The following PSMA3 variants were observed in gnomAD, a reference collection of about 807,000 sequenced individuals.
PSMA3 encodes proteasome subunit alpha type-3.
In PSMA3, 8 loss-of-function variants were observed where a neutral mutation model predicts 40.0. The ratio of observed to expected loss-of-function variants is 0.20; its 90% CI spans 0.12 to 0.36. The LOEUF (loss-of-function observed/expected upper bound fraction) is 0.36, where lower values mean the gene tolerates loss of function less well. PSMA3 is among the 10% of genes least tolerant of loss of function. The pLI, the probability that PSMA3 is intolerant of heterozygous loss-of-function variation, is 1.00. For missense variants in PSMA3, 219 were observed against 310.6 expected, an observed-to-expected ratio of 0.70 and a Z score of 2.22; for synonymous variants, 110 against 100.0, an observed-to-expected ratio of 1.10 and a Z score of -0.59.
Position 58,244,926 on chromosome 14 carries a change from C to T in PSMA3, c.6C>T (p.Ser2=), listed in dbSNP as rs780296905. The change falls in exon 1 of 11, where the codon AGC becomes AGT. Residue 2 remains serine, a synonymous_variant. Transcript: ENST00000216455. ...GTCCCTTTGGGTTTAGCACGATGAGCTCAATCGGCACTGGGGTGAGTTCGC... is the reference window on the plus strand; with the variant it reads ...GTCCCTTTGGGTTTAGCACGATGAGTTCAATCGGCACTGGGGTGAGTTCGC... M[S]SIGTGYDLSA... 3.1e-6 allele frequency: 5 copies of T among 1,614,048 alleles called. No individual in the cohort carries two copies. Among genetic ancestry groups the T allele is most frequent in the Admixed American group, 3.3e-5 (2 of 59,984 alleles).
At chr14:58,267,619 A>G (rs1311528615) in intron 8 of PSMA3, 99 bp downstream of exon 8, 1 of 1,314,910 alleles carries the variant, frequency 7.6e-7, no homozygotes, top group African/African-American at 1.5e-5. Context: ...CTGTAAAATA[A>G]CTTAGTGTAT....
At chr14:58,251,134 T>G (rs1368271216) in intron 2 of PSMA3, among the ~76,000 whole-genome samples, 1 of 152,290 alleles carries the variant, frequency 6.6e-6, no homozygotes, top group East Asian at 1.9e-4. Flanking sequence ...TTGAGATAAT[T>G]TTACCAGAAA....
chr14:58,244,929 A>G lies in PSMA3; in HGVS notation c.9A>G (p.Ser3=), dbSNP rs1179314150. The G allele has an allele frequency of 1.2e-6, 2 of 1,614,168 alleles. No homozygotes were observed. Among genetic ancestry groups the G allele is most frequent in the Non-Finnish European group, 1.7e-6 (2 of 1,180,004 alleles). Residue 3 remains serine, a synonymous_variant, in exon 1 of 11, where the codon TCA becomes TCG. Transcript: ENST00000216455. ...CCTTTGGGTTTAGCACGATGAGCTC[A>G]ATCGGCACTGGGGTGAGTTCGCTGT... is the stretch of plus-strand genomic sequence containing the variant. MS[S]IGTGYDLSAS... is the part of the protein sequence containing the mutation.
At chr14:58,263,183 C>G (rs775722561) in intron 6 of PSMA3, among the ~76,000 whole-genome samples, 1 of 151,956 alleles carries the variant, frequency 6.6e-6, no homozygotes, top group Admixed American at 6.6e-5. Context: ...CAGGGTTTTA[C>G]AATGTTGGCC....
At chr14:58,249,515 C>T (rs1889955259) in intron 2 of PSMA3, among the ~76,000 whole-genome samples, 1 of 151,532 alleles carries the variant, frequency 6.6e-6, no homozygotes, top group African/African-American at 2.4e-5. Context: ...TTAAAAAAAA[C>T]TTTTTTTGGG....
At chr14:58,269,092 A>C (rs1377938485) in intron 8 of PSMA3, among the ~76,000 whole-genome samples, 1 of 151,796 alleles carries the variant, frequency 6.6e-6, no homozygotes, top group Non-Finnish European at 1.5e-5. Flanking sequence ...CCACCACCAC[A>C]CCTGGCTAAT....
At position 58,267,466 on chromosome 14, in the gene PSMA3, T is replaced by C. The variant is rs1175888888; in HGVS notation, c.544-8T>C. ...TCTGATGAACAGTATACATTTTATT[T>C]TCTATAGATGAAAGAAATGACCTGC... On this transcript the variant is annotated splice_region_variant and splice_polypyrimidine_tract_variant and intron_variant, in intron 7 of 10. Transcript: ENST00000216455. 1 of 1,551,134 alleles carries C rather than the reference T, an allele frequency of 6.4e-7. No individual in the cohort carries two copies. The highest frequency in any genetic ancestry group is 1.3e-5 in the South Asian group (1 of 78,192).
chr14:58,257,631 T>G, intron 3 of PSMA3, 114 bp from the exon 4 acceptor site: 2 of 905,616 alleles, frequency 2.2e-6, no homozygotes, highest in East Asian at 5.3e-5. Context: ...GCCAAAAAAG[T>G]TTATTTTGAA....
chr14:58,252,080 T>C, intron 2 of PSMA3, 39 bp from the exon 3 acceptor site: 1 of 1,558,172 alleles, frequency 6.4e-7, no homozygotes, highest in Non-Finnish European at 8.6e-7. Context: ...GTTTCTTTTA[T>C]TTTCAGTTAA....
intron 3 of PSMA3, 72 bp downstream of exon 3, chr14:58,252,314 A>G: frequency 2.0e-6 from 3 of 1,523,992 alleles, no homozygotes; most frequent in Non-Finnish European, 2.6e-6. Context: ...GGAATAGATC[A>G]CTGTGCAGTC....
chr14:58,260,711 T>G (rs1438085561), intron 5 of PSMA3, among the ~76,000 whole-genome samples: 1 of 152,176 alleles, frequency 6.6e-6, no homozygotes, highest in Admixed American at 6.5e-5. Context: ...TGCTAGACTT[T>G]CCAGGAGACC....
intron 2 of PSMA3, among the ~76,000 whole-genome samples, chr14:58,248,068 C>T (rs1236725702): frequency 2.0e-5 from 3 of 151,978 alleles, no homozygotes; most frequent in African/African-American, 7.3e-5. Flanking sequence ...AAATCACATT[C>T]ATTATCATCT....
Position 58,270,479 on chromosome 14 carries a change from G to C in PSMA3, c.652G>C (p.Gly218Arg). 1 of 1,613,608 alleles carries C rather than the reference G, an allele frequency of 6.2e-7. No homozygotes were observed. The highest frequency in any genetic ancestry group is 1.1e-5 in the South Asian group (1 of 91,072). ...TTTTGAACTAGAACTCAGCTGGGTTGGTGAATGTAAGTTATTTTTGTACAT... is the reference window on the plus strand; with the variant it reads ...TTTTGAACTAGAACTCAGCTGGGTTCGTGAATGTAAGTTATTTTTGTACAT... ...KAFELELSWV[G>R]ELTNGRHEIV... Residue 218 changes from glycine to arginine, a missense_variant, in exon 9 of 11, where the codon GGT becomes CGT. Physicochemically the swap from Gly to Arg is moderately radical, Grantham distance 125. Transcript: ENST00000216455.
intron 5 of PSMA3, among the ~76,000 whole-genome samples, chr14:58,260,376 CTG>C (rs1176819898): frequency 2.6e-5 from 4 of 152,196 alleles, no homozygotes; most frequent in Non-Finnish European, 5.9e-5. Context: ...AGTTTTCTAT[CTG>C]TGGTTTGTTG....
intron 6 of PSMA3, 118 bp downstream of exon 6, chr14:58,261,138 TTTC>T (rs1215784737): frequency 6.7e-6 from 5 of 742,470 alleles, no homozygotes; most frequent in Non-Finnish European, 1.0e-5. Context: ...GAAAGTAATT[TTTC>T]TTTTTTTTTT....
At chr14:58,255,399 T>G (rs1048085737) in intron 3 of PSMA3, among the ~76,000 whole-genome samples, 3 of 152,134 alleles carry the variant, frequency 2.0e-5, no homozygotes, top group Non-Finnish European at 4.4e-5. Context: ...AAAGATGTGG[T>G]GGCATTGAAA....
intron 3 of PSMA3, among the ~76,000 whole-genome samples, chr14:58,256,353 A>G (rs1177304058): frequency 1.3e-5 from 2 of 151,470 alleles, no homozygotes; most frequent in Non-Finnish European, 2.9e-5. Flanking sequence ...TGCATTATAT[A>G]CTCATCAGCT....
intron 7 of PSMA3, 115 bp downstream of exon 7, chr14:58,263,885 C>G: frequency 1.1e-6 from 1 of 882,840 alleles, no homozygotes; most frequent in Non-Finnish European, 1.8e-6. Context: ...TTCCCTGGGC[C>G]ACACATAAAA....
rs757639451 is a variant in PSMA3 at position 58,257,859 on chromosome 14, C to T, written c.330+13C>T. 3.1e-6 allele frequency: 5 copies of T among 1,611,578 alleles called. No homozygotes were observed. The East Asian group carries it at 1.1e-4, about 36-fold the overall frequency. On this transcript the variant is annotated intron_variant, in intron 4 of 10. Transcript: ENST00000216455. ...CATTCCACTAAAAGTAAGTTGATAA[C>T]ATATTGAGGAACCTTTTGGACAGTA... is the stretch of plus-strand genomic sequence containing the variant.
Sources: allele counts gnomAD v4.1 joint callset (sites outside exome capture counted in the v4.1 genomes callset), GRCh38; gene constraint gnomAD v4.1.1; transcripts MANE v1.5; gene names NCBI Gene and HGNC (gene_info 2026-07-23, HGNC 2026-07-21).